The following TICAM1 variants were observed in gnomAD, a reference collection of about 807,000 sequenced individuals.
The protein encoded by TICAM1 is TIR domain-containing adapter molecule 1.
For missense variants in TICAM1, 895 were observed against 938.2 expected, an observed-to-expected ratio of 0.95 and a Z score of 0.60; for synonymous variants, 439 against 415.4, an observed-to-expected ratio of 1.06 and a Z score of -0.69.
At position 4,816,938 on chromosome 19, in the gene TICAM1, C is replaced by T; in HGVS notation, c.1440G>A (p.Gln480=). ...NQAMMSNLTR[Q]GSPDCVIPFL... is the part of the protein sequence containing the mutation. ...AGGGGATGACACAGTCTGGCGACCC[C>T]TGTCGCGTGAGGTTGCTCATCATGG... is the stretch of plus-strand genomic sequence containing the variant. Residue 480 remains glutamine (Q), a synonymous_variant, in exon 2 of 2, where the codon CAG becomes CAA. Coordinates refer to ENST00000248244, the MANE Select transcript of TICAM1 (RefSeq NM_182919.4). The surrounding 1 kb of genome is among the most constrained non-coding windows in gnomAD (Gnocchi z 4.3). 6.2e-7 allele frequency: 1 copy of T among 1,613,980 alleles called. No individual in the cohort carries two copies. Among genetic ancestry groups the T allele is most frequent in the Middle Eastern group, 1.6e-4 (1 of 6,062 alleles).
intron 1 of TICAM1, among the ~76,000 whole-genome samples, chr19:4,821,743 C>G (rs140379457): frequency 0.02 from 2,993 of 150,886 alleles, 94 homozygotes; most frequent in African/African-American, 0.069. Flanking sequence ...CTCCCGGGTT[C>G]TAGCGATTCT....
Position 4,816,697 on chromosome 19 carries a change from T to C in TICAM1, c.1681A>G (p.Met561Val). ...GCTGCGTTCAGTGCCGCCGCCTGCA[T>C]CCGCTCACCGTCCAGGTGTTGGCTC... ...EQSQHLDGER[M>V]QAAALNAAYS... is the part of the protein sequence containing the mutation. Residue 561 changes from methionine (M) to valine (V), a missense_variant, in exon 2 of 2, where the codon ATG (methionine) becomes GTG (valine). Physicochemically the swap from Met to Val is conservative, Grantham distance 21 (BLOSUM62 1). Coordinates refer to ENST00000248244, the MANE Select transcript of TICAM1 (RefSeq NM_182919.4). This position sits in a 1 kb window ranked among gnomAD's most constrained non-coding sequence, Gnocchi z 4.3. The C allele has an allele frequency of 1.2e-6, 2 of 1,614,120 alleles. No homozygotes were observed. Among genetic ancestry groups the C allele is most frequent in the Non-Finnish European group, 1.7e-6 (2 of 1,180,032 alleles).
chr19:4,831,652 G>A lies in TICAM1; in HGVS notation c.-178C>T, dbSNP rs10405480. 1,272 of 152,632 alleles carry A rather than the reference G, an allele frequency of 8.3e-3. 7 individuals are homozygous for A. Among genetic ancestry groups the A allele is most frequent in the South Asian group, 0.012 (57 of 4,830 alleles). The allele number at this position is 152,632 out of a possible 1,614,324, so 9.5% of individuals were successfully genotyped here. On this transcript the variant is annotated 5_prime_UTR_variant, in exon 1 of 2. Transcript: ENST00000248244. ...CTGCCGGCTGCGCCACTGGGTCCTG[G>A]GGTCCTGGGGGCTGGGGCTTCTGCG...
In TICAM1 at chr19:4,816,542, C is replaced by G; in HGVS notation, c.1836G>C (p.Gln612His). Residue 612 changes from glutamine (Q) to histidine (H), a missense_variant, in exon 2 of 2, where the codon CAG becomes CAC. Transcript: ENST00000248244. This position sits in a 1 kb window ranked among gnomAD's most constrained non-coding sequence, Gnocchi z 4.3. ...AGGGTGGCGGGGCTCCCAGGGGCACCTGGCCCCCAAAGGGCATTCGAGCCC... is the reference window on the plus strand; with the variant it reads ...AGGGTGGCGGGGCTCCCAGGGGCACGTGGCCCCCAAAGGGCATTCGAGCCC... ...PYGARMPFGG[Q>H]VPLGAPPPFP... 1 of 1,604,686 alleles carries G rather than the reference C, an allele frequency of 6.2e-7. No homozygotes were observed. The highest frequency in any genetic ancestry group is 1.3e-5 in the African/African-American group (1 of 74,768).
intron 1 of TICAM1, among the ~76,000 whole-genome samples, chr19:4,827,707 G>T (rs1190856440): frequency 6.7e-6 from 1 of 149,466 alleles, no homozygotes; most frequent in Non-Finnish European, 1.5e-5. Flanking sequence ...GCAGCGAGCC[G>T]AGTTGGTGCC....
rs2093592730 is a variant in TICAM1, at chr19:4,818,947, T to TAAAAGAAAAATAAAAAAAATA, written c.-139-432_-139-431insTATTTTTTTTATTTTTCTTTT. 6.6e-6 allele frequency among the ~76,000 whole-genome samples: 1 copy of TAAAAGAAAAATAAAAAAAATA among 152,090 alleles called. No homozygotes were observed. The highest frequency in any genetic ancestry group is 1.5e-5 in the Non-Finnish European group (1 of 68,014). ...CAACATGGTGAAACCCCGTTTCTACTAAAAATACAAAGAATTAGCCAGGAG... is the reference window on the plus strand; with the variant it reads ...CAACATGGTGAAACCCCGTTTCTACTAAAAGAAAAATAAAAAAAATAAAAAATACAAAGAATTAGCCAGGAG... On this transcript the variant is annotated intron_variant, in intron 1 of 1. Coordinates refer to ENST00000248244, the MANE Select transcript of TICAM1 (RefSeq NM_182919.4). The surrounding 1 kb of genome is among the most constrained non-coding windows in gnomAD (Gnocchi z 4.0).
chr19:4,819,784 A>T (rs60207991), intron 1 of TICAM1, among the ~76,000 whole-genome samples: 4,709 of 152,114 alleles, frequency 0.031, 231 homozygotes, highest in African/African-American at 0.11. Flanking sequence ...CTGAGGCAGG[A>T]GAATCGCTTG....
At chr19:4,819,429 G>C (rs981636929) in intron 1 of TICAM1, among the ~76,000 whole-genome samples, 5 of 152,228 alleles carry the variant, frequency 3.3e-5, no homozygotes, top group Non-Finnish European at 7.3e-5. Flanking sequence ...GATGGCAGAA[G>C]ACGGATTTCA....
In TICAM1 at chr19:4,821,994, G is replaced by A. The variant is rs149509529; in HGVS notation, c.-139-3478C>T. On this transcript the variant is annotated intron_variant, in intron 1 of 1. Coordinates refer to ENST00000248244, the MANE Select transcript of TICAM1 (RefSeq NM_182919.4). ...CTTGTTGCCCAGGCTGGAGTACAATGGTGCAATCTCAGCTCACCGTAACCT... is the reference window on the plus strand; with the variant it reads ...CTTGTTGCCCAGGCTGGAGTACAATAGTGCAATCTCAGCTCACCGTAACCT... Among the ~76,000 whole-genome samples the A allele has an allele frequency of 1.5e-3, 228 of 151,396 alleles. 2 individuals are homozygous for A. Among genetic ancestry groups the A allele is most frequent in the African/African-American group, 5.0e-3 (208 of 41,196 alleles).
Position 4,824,215 on chromosome 19 carries a change from G to A in TICAM1, c.-139-5699C>T, listed in dbSNP as rs550792046. Among the ~76,000 whole-genome samples the A allele has an allele frequency of 4.3e-3, 653 of 151,992 alleles. 2 individuals are homozygous for A. Among genetic ancestry groups the A allele is most frequent in the Non-Finnish European group, 6.8e-3 (465 of 67,986 alleles). On this transcript the variant is annotated intron_variant, in intron 1 of 1. Transcript: ENST00000248244. ...GTAGAGACAGGGTTTTGCCATGTTG[G>A]CCAGGCTGGTCTTGAACTCCTGACC...
chr19:4,823,508 G>A (rs1180365975), intron 1 of TICAM1, among the ~76,000 whole-genome samples: 4 of 149,760 alleles, frequency 2.7e-5, no homozygotes, highest in South Asian at 2.1e-4. Context: ...GGTGGCATGC[G>A]CCTGAAATCC....
chr19:4,830,309 C>T (rs1398024637), intron 1 of TICAM1, among the ~76,000 whole-genome samples: 2 of 151,988 alleles, frequency 1.3e-5, no homozygotes, highest in Non-Finnish European at 2.9e-5. Flanking sequence ...GGATCCTGGG[C>T]TCAAGCAATC....
chr19:4,819,875 C>CAATAAATA (rs57106018), intron 1 of TICAM1, among the ~76,000 whole-genome samples: 23 of 151,264 alleles, frequency 1.5e-4, no homozygotes, highest in East Asian at 1.4e-3. Flanking sequence ...AACCCCGTCT[C>CAATAAATA]AATAAATAAA....
Position 4,817,211 on chromosome 19 carries a change from T to A in TICAM1, c.1167A>T (p.Ser389=), listed in dbSNP as rs1003883000. 1.2e-6 allele frequency: 2 copies of A among 1,613,220 alleles called. No individual in the cohort carries two copies. The highest frequency in any genetic ancestry group is 1.7e-6 in the Non-Finnish European group (2 of 1,179,904). The change falls in exon 2 of 2, where the codon TCA becomes TCT. Residue 389 remains serine (S), a synonymous_variant. Transcript: ENST00000248244. This position sits in a 1 kb window ranked among gnomAD's most constrained non-coding sequence, Gnocchi z 4.7. The part of the protein sequence containing the change: ...SSLFPSSLES[S]SEQKFYNFVI... ...CAAAGTTATAGAATTTCTGTTCCGA[T>A]GATGATTCCAGGGAGGAAGGGAACA...
At chr19:4,823,894 C>G (rs985687323) in intron 1 of TICAM1, among the ~76,000 whole-genome samples, 1 of 152,186 alleles carries the variant, frequency 6.6e-6, no homozygotes, top group Non-Finnish European at 1.5e-5. Context: ...CAGATACTTG[C>G]AGTCTAGATC....
At chr19:4,826,509 G>C (rs950416162) in intron 1 of TICAM1, among the ~76,000 whole-genome samples, 3 of 152,156 alleles carry the variant, frequency 2.0e-5, no homozygotes, top group Non-Finnish European at 4.4e-5. Context: ...ATTTTTAGTA[G>C]AGACGGGGTT....
intron 1 of TICAM1, among the ~76,000 whole-genome samples, chr19:4,823,922 T>C (rs897059068): frequency 6.6e-6 from 1 of 152,196 alleles, no homozygotes; most frequent in Admixed American, 6.6e-5. Flanking sequence ...ACACTCTCTG[T>C]CTGTGTTGTC....
In TICAM1 at chr19:4,816,524, C is replaced by T. The variant is rs566243001; in HGVS notation, c.1854G>A (p.Pro618=). The T allele has an allele frequency of 9.5e-6, 15 of 1,586,552 alleles. No individual in the cohort carries two copies. Among genetic ancestry groups the T allele is most frequent in the African/African-American group, 1.3e-5 (1 of 74,408 alleles). Residue 618 remains proline, a synonymous_variant, in exon 2 of 2, where the codon CCG becomes CCA. Transcript: ENST00000248244. This position sits in a 1 kb window ranked among gnomAD's most constrained non-coding sequence, Gnocchi z 4.3. ...ACCCCGGCCAAGTGGGAAAGGGTGGCGGGGCTCCCAGGGGCACCTGGCCCC... is the reference window on the plus strand; with the variant it reads ...ACCCCGGCCAAGTGGGAAAGGGTGGTGGGGCTCCCAGGGGCACCTGGCCCC... The part of the protein sequence containing the change: ...PFGGQVPLGA[P]PPFPTWPGCP...
Position 4,817,862 on chromosome 19 carries a change from G to A in TICAM1, c.516C>T (p.Pro172=). ...GGCGTGGGAGGCTCCTGGTCCCAGAGGGCAAAGCCGAGGATGGTGGGAGGC... is the reference window on the plus strand; with the variant it reads ...GGCGTGGGAGGCTCCTGGTCCCAGAAGGCAAAGCCGAGGATGGTGGGAGGC... ...LGCLPPSSAL[P]SGTRSLPRPI... Residue 172 remains proline (P), a synonymous_variant, in exon 2 of 2, where the codon CCC becomes CCT. Transcript: ENST00000248244. The surrounding 1 kb of genome is among the most constrained non-coding windows in gnomAD (Gnocchi z 4.7). 2 of 1,613,146 alleles carry A rather than the reference G, an allele frequency of 1.2e-6. No homozygotes were observed. Among genetic ancestry groups the A allele is most frequent in the Middle Eastern group, 1.7e-4 (1 of 6,060 alleles).
Sources: allele counts gnomAD v4.1 joint callset (sites outside exome capture counted in the v4.1 genomes callset), GRCh38; gene constraint gnomAD v4.1.1; non-coding constraint Gnocchi (gnomAD v3.1); transcripts MANE v1.5; gene names NCBI Gene and HGNC (gene_info 2026-07-23, HGNC 2026-07-21).